The following FAM169A variants were observed in gnomAD, a reference collection of about 807,000 sequenced individuals.
FAM169A encodes the protein family with sequence similarity 169 member A.
A neutral mutation model predicts 75.7 loss-of-function variants in FAM169A; 24 were observed. The observed-to-expected ratio is 0.32, with a 90% CI of 0.23 to 0.45. The LOEUF (loss-of-function observed/expected upper bound fraction) is 0.45. FAM169A is among the 20% of genes least tolerant of loss of function. The probability of loss-of-function intolerance (pLI) is 1.00; values close to 1 mark genes in which losing one functional copy is unlikely to be tolerated. For synonymous variants in FAM169A, 271 were observed against 271.0 expected (o/e 1.00, Z 0.00); for missense variants, 673 against 784.0 (o/e 0.86, Z 1.69).
chr5:74,792,518 C>A (rs1305276316), intron 11 of FAM169A, among the ~76,000 whole-genome samples: 2 of 130,336 alleles, frequency 1.5e-5, no homozygotes, highest in African/African-American at 7.5e-5. Context: ...GACTGGCTTC[C>A]TTGCTTCCTT....
At chr5:74,866,481 G>T, upstream of FAM169A, 1 of 726,850 alleles carries the variant, frequency 1.4e-6, no homozygotes, top group Non-Finnish European at 1.7e-6. Context: ...CCTCCTCGGA[G>T]CCTGGGACGC....
Position 74,804,537 on chromosome 5 carries a change from C to T in FAM169A, c.868G>A (p.Glu290Lys), listed in dbSNP as rs1022925315. ...EYGPASVPEY[E>K]ARTEDNQSSE... Reference sequence around the variant, plus strand: ...GACTGATTGTCTTCAGTTCTTGCTTCGTATTCTGGAACAGATGCAGGACCA... The same window carrying T: ...GACTGATTGTCTTCAGTTCTTGCTTTGTATTCTGGAACAGATGCAGGACCA... Residue 290 changes from glutamate (E) to lysine (K), a missense_variant, in exon 8 of 13, where the codon GAA becomes AAA. By Grantham distance (56) the Glu-to-Lys change is moderately conservative (BLOSUM62 1). Around this residue, in one of 3 missense-constraint regions of FAM169A, gnomAD observed 510 missense variants for 550.9 expected, o/e 0.93. Coordinates refer to ENST00000687041, the MANE Select transcript of FAM169A (RefSeq NM_001376049.1). 7 of 1,611,728 alleles carry T rather than the reference C, an allele frequency of 4.3e-6. No homozygotes were observed. Among genetic ancestry groups the T allele is most frequent in the Admixed American group, 1.7e-5 (1 of 59,908 alleles).
chr5:74,866,605 CCCCGGCCGCCGTCA>C, upstream of FAM169A: 1 of 655,066 alleles, frequency 1.5e-6, no homozygotes, highest in South Asian at 6.8e-5. Flanking sequence ...CCTCTCTCCG[CCCCGGCCGCCGTCA>C]CCCGGCAGCG....
intron 5 of FAM169A, among the ~76,000 whole-genome samples, chr5:74,823,521 T>C (rs566368003): frequency 1.3e-5 from 2 of 152,314 alleles, no homozygotes; most frequent in Admixed American, 6.5e-5. Context: ...TAATACAGCT[T>C]ATCGACTATG....
chr5:74,845,872 C>T (rs1355963282), intron 1 of FAM169A, among the ~76,000 whole-genome samples: 1 of 152,136 alleles, frequency 6.6e-6, no homozygotes, highest in Admixed American at 6.6e-5. Context: ...TCTTTGTTAG[C>T]TTGGGCAAAT....
In FAM169A at chr5:74,777,621, T is replaced by G. The variant is rs1481118437; in HGVS notation, c.*3839A>C. On this transcript the variant is annotated 3_prime_UTR_variant, in exon 13 of 13. Coordinates refer to ENST00000687041, the MANE Select transcript of FAM169A (RefSeq NM_001376049.1). The stretch of plus-strand genomic sequence containing the variant: ...TTTTTAAAGAAGTCTGTCTTCAGAG[T>G]ACAACCAATGTGATTAATTGTGCCT... 1 of 151,816 alleles carries G rather than the reference T, an allele frequency of 6.6e-6. No homozygotes were observed. The highest frequency in any genetic ancestry group is 1.5e-5 in the Non-Finnish European group (1 of 67,800). The allele number at this position is 151,816 out of a possible 1,614,324, so 9.4% of individuals were successfully genotyped here.
At chr5:74,850,708 G>A (rs1749397418) in intron 1 of FAM169A, among the ~76,000 whole-genome samples, 1 of 152,060 alleles carries the variant, frequency 6.6e-6, no homozygotes, top group Non-Finnish European at 1.5e-5. Context: ...CAAAACTTTT[G>A]CATCTAAAAA....
intron 3 of FAM169A, among the ~76,000 whole-genome samples, chr5:74,839,265 G>A (rs755702627): frequency 1.4e-4 from 22 of 152,012 alleles, no homozygotes; most frequent in Non-Finnish European, 2.8e-4. Context: ...ATCTCATCTT[G>A]AACTGTAATC....
chr5:74,810,208 T>C (rs1438915472), intron 6 of FAM169A, among the ~76,000 whole-genome samples: 1 of 152,030 alleles, frequency 6.6e-6, no homozygotes, highest in Non-Finnish European at 1.5e-5. Context: ...ATGCCAGACA[T>C]AGAAGTAGAG....
chr5:74,801,532 C>A, intron 9 of FAM169A, 58 bp downstream of exon 9: 1 of 1,309,816 alleles, frequency 7.6e-7, no homozygotes, highest in Non-Finnish European at 1.1e-6. Context: ...CACACACACA[C>A]ACAGCCCTAA....
rs1470407766 is a variant in FAM169A, at chr5:74,781,969, C to T, written c.1504G>A (p.Gly502Ser). Residue 502 changes from glycine (G) to serine (S), a missense_variant, in exon 13 of 13, where the codon GGC (glycine) becomes AGC (serine). By Grantham distance (56) the Gly-to-Ser change is moderately conservative. This residue lies in a region of FAM169A where 510 missense variants were observed against 550.9 expected (regional missense o/e 0.93). Coordinates refer to ENST00000687041, the MANE Select transcript of FAM169A (RefSeq NM_001376049.1). ...ATGTGCCCCTTTTCATCAGATGTGC[C>T]TTCATCCATCAACATTTCTGAGTCA... is the stretch of plus-strand genomic sequence containing the variant. The part of the protein sequence containing the change: ...IPDSEMLMDE[G>S]TSDEKGHMEE... 1.2e-6 allele frequency: 2 copies of T among 1,613,534 alleles called. No homozygotes were observed. Among genetic ancestry groups the T allele is most frequent in the East Asian group, 4.5e-5 (2 of 44,866 alleles).
intron 1 of FAM169A, among the ~76,000 whole-genome samples, chr5:74,859,285 CTCT>C (rs1373406965): frequency 6.8e-6 from 1 of 146,356 alleles, no homozygotes; most frequent in Non-Finnish European, 1.5e-5. Flanking sequence ...TGAAGGTTTT[CTCT>C]TTTTTTTTTT....
Position 74,841,696 on chromosome 5 carries a change from G to A in FAM169A, c.-3-17C>T. ...TGCCATCCTCTTTAACAAACAACAT[G>A]GAACAAACAATTCAGAATATGAAAC... On this transcript the variant is annotated splice_polypyrimidine_tract_variant and intron_variant, in intron 1 of 12. Coordinates refer to ENST00000687041, the MANE Select transcript of FAM169A (RefSeq NM_001376049.1). 1.3e-6 allele frequency: 2 copies of A among 1,596,492 alleles called. No homozygotes were observed. Among genetic ancestry groups the A allele is most frequent in the East Asian group, 4.5e-5 (2 of 44,198 alleles).
rs1285137994 is a variant in FAM169A, at chr5:74,777,719, A to AT, written c.*3740_*3741insA. On this transcript the variant is annotated 3_prime_UTR_variant, in exon 13 of 13. Transcript: ENST00000687041. ...TTCATGAGGAAAACTGAAGGAAAGGAATTTAAAAACACAGACCAGGAAACA... is the reference window on the plus strand; with the variant it reads ...TTCATGAGGAAAACTGAAGGAAAGGATATTTAAAAACACAGACCAGGAAACA... 2.6e-5 allele frequency: 4 copies of AT among 152,104 alleles called. No homozygotes were observed. Among genetic ancestry groups the AT allele is most frequent in the Admixed American group, 2.6e-4 (4 of 15,272 alleles). 9.4% of individuals were successfully genotyped at this position (152,104 alleles called of 1,614,324 possible).
chr5:74,787,737 A>C (rs1205205582), intron 11 of FAM169A, among the ~76,000 whole-genome samples: 1 of 152,174 alleles, frequency 6.6e-6, no homozygotes, highest in Non-Finnish European at 1.5e-5. Context: ...AATCAGAATA[A>C]TCTGACTTGT....
At chr5:74,812,653 C>T (rs145313767) in intron 6 of FAM169A, among the ~76,000 whole-genome samples, 2 of 152,010 alleles carry the variant, frequency 1.3e-5, no homozygotes, top group South Asian at 2.1e-4. Context: ...TAACCCCCCC[C>T]CAAAATGGTC....
At chr5:74,855,446 C>A (rs1749658808) in intron 1 of FAM169A, among the ~76,000 whole-genome samples, 1 of 152,168 alleles carries the variant, frequency 6.6e-6, no homozygotes, top group Non-Finnish European at 1.5e-5. Context: ...AATCTGCCCA[C>A]CTTGGCCACC....
At chr5:74,804,099 G>A (rs1256204595) in intron 8 of FAM169A, among the ~76,000 whole-genome samples, 1 of 151,994 alleles carries the variant, frequency 6.6e-6, no homozygotes, top group Non-Finnish European at 1.5e-5. Flanking sequence ...GAGAACAGCA[G>A]TTAGAAGCAA....
chr5:74,853,986 C>T (rs890665549), intron 1 of FAM169A, among the ~76,000 whole-genome samples: 1 of 151,726 alleles, frequency 6.6e-6, no homozygotes, highest in Non-Finnish European at 1.5e-5. Context: ...AAAATGCCTA[C>T]CCAATATATC....
Sources: allele counts gnomAD v4.1 joint callset (sites outside exome capture counted in the v4.1 genomes callset), GRCh38; gene constraint gnomAD v4.1.1; regional missense constraint gnomAD v4.1.1; transcripts MANE v1.5; gene names NCBI Gene and HGNC (gene_info 2026-07-23, HGNC 2026-07-21).